Variants in GNG12 observed in about 807,000 individuals in gnomAD.
The protein encoded by GNG12 is G protein subunit gamma 12.
For missense variants in GNG12, 69 were observed against 83.8 expected (o/e 0.82, Z 0.69); for synonymous variants, 28 against 29.7 (o/e 0.94, Z 0.19).
intron 1 of GNG12, among the ~76,000 whole-genome samples, chr1:67,827,516 C>T (rs1249526202): frequency 1.3e-5 from 2 of 151,940 alleles, no homozygotes; most frequent in Admixed American, 1.3e-4. Flanking sequence ...AGCTCTGCCT[C>T]CCAGGTTCAC....
chr1:67,826,771 T>C (rs567180608), intron 1 of GNG12, among the ~76,000 whole-genome samples: 6 of 152,330 alleles, frequency 3.9e-5, no homozygotes, highest in Admixed American at 3.3e-4. Context: ...TAGCTCATGT[T>C]GGGATTTAAT....
intron 2 of GNG12, among the ~76,000 whole-genome samples, chr1:67,748,460 G>T (rs893857136): frequency 2.3e-4 from 35 of 152,098 alleles, no homozygotes; most frequent in African/African-American, 8.5e-4. Flanking sequence ...TGAAACACAG[G>T]GATATGAGTT....
chr1:67,738,418 T>C (rs1313815773), intron 2 of GNG12, among the ~76,000 whole-genome samples: 1 of 152,180 alleles, frequency 6.6e-6, no homozygotes, highest in African/African-American at 2.4e-5. Context: ...GGTGAATAAA[T>C]AGACTCAGTC....
chr1:67,770,138 G>C (rs910694492), intron 2 of GNG12, among the ~76,000 whole-genome samples: 1 of 152,172 alleles, frequency 6.6e-6, no homozygotes, highest in Non-Finnish European at 1.5e-5. Flanking sequence ...CAAGGGATCT[G>C]ATCATTATGC....
chr1:67,800,960 A>G (rs1336446109), intron 1 of GNG12, among the ~76,000 whole-genome samples: 1 of 152,134 alleles, frequency 6.6e-6, no homozygotes, highest in Non-Finnish European at 1.5e-5. Context: ...ACTTCATATT[A>G]TGGAGGGAGG....
chr1:67,718,907 C>A (rs534611135), intron 2 of GNG12, among the ~76,000 whole-genome samples: 1 of 152,316 alleles, frequency 6.6e-6, no homozygotes, highest in African/African-American at 2.4e-5. Flanking sequence ...ACAGAGCTTA[C>A]TATATGCCCA....
At chr1:67,832,969 C>G (rs1037462036) in intron 1 of GNG12, among the ~76,000 whole-genome samples, 32 of 152,184 alleles carry the variant, frequency 2.1e-4, no homozygotes, top group Non-Finnish European at 3.1e-4. Flanking sequence ...GGCGAGGAGG[C>G]AAGCGAGCTC....
rs757607138 is a variant in GNG12 at position 67,705,468 on chromosome 1, T to G, written c.202A>C (p.Thr68Pro). 1 of 1,613,932 alleles carries G rather than the reference T, an allele frequency of 6.2e-7. No individual in the cohort carries two copies. The highest frequency in any genetic ancestry group is 1.7e-5 in the Admixed American group (1 of 59,976). Reference protein sequence around the residue: ...TSENPFKDKKTCIIL With the variant: ...TSENPFKDKKPCIIL ...CTATTCCACTATAAGATGATGCAAG[T>G]TTTTTTATCCTTGAAAGGGTTTTCT... Residue 68 changes from threonine to proline, a missense_variant, in exon 4 of 4, where the codon ACT becomes CCT. Transcript: ENST00000370982.
intron 1 of GNG12, among the ~76,000 whole-genome samples, chr1:67,803,734 G>C (rs1194122784): frequency 1.3e-5 from 2 of 152,206 alleles, no homozygotes; most frequent in East Asian, 3.8e-4. Flanking sequence ...CTAGTCAGTG[G>C]TAAATGATGC....
chr1:67,832,007 G>C (rs1041877709), intron 1 of GNG12, among the ~76,000 whole-genome samples: 1 of 152,172 alleles, frequency 6.6e-6, no homozygotes, highest in African/African-American at 2.4e-5. Flanking sequence ...TTTTAAAATA[G>C]AGAAGGCACA....
rs534512075 is a variant in GNG12, at chr1:67,820,586, C to T, written c.-77+12758G>A. Among the ~76,000 whole-genome samples the T allele has an allele frequency of 5.3e-5, 8 of 152,274 alleles. No individual in the cohort carries two copies. The South Asian group carries it at 1.7e-3, about 32-fold the overall frequency. On this transcript the variant is annotated intron_variant, in intron 1 of 3. Coordinates refer to ENST00000370982, the MANE Select transcript of GNG12 (RefSeq NM_018841.6). The stretch of plus-strand genomic sequence containing the variant: ...CGGATGCCTCACCTGTCACACTTTT[C>T]AATGTGGTATTACCAGAGGCTGTTG...
At chr1:67,798,471 T>C (rs1282966960) in intron 1 of GNG12, among the ~76,000 whole-genome samples, 1 of 152,054 alleles carries the variant, frequency 6.6e-6, no homozygotes, top group East Asian at 1.9e-4. Flanking sequence ...TTTAGAGAAA[T>C]GGAAGAGAAA....
chr1:67,788,026 T>C lies in GNG12; in HGVS notation c.-76-10519A>G, dbSNP rs78420492. On this transcript the variant is annotated intron_variant, in intron 1 of 3. Coordinates refer to ENST00000370982, the MANE Select transcript of GNG12 (RefSeq NM_018841.6). Reference sequence around the variant, plus strand: ...GGGATTTATGACACAGGTTTTTGTATAGGAACTGGTGCAAAGTTACATGTG... The same window carrying C: ...GGGATTTATGACACAGGTTTTTGTACAGGAACTGGTGCAAAGTTACATGTG... 1.5e-3 allele frequency among the ~76,000 whole-genome samples: 233 copies of C among 152,338 alleles called. 1 individual carries two copies. Among genetic ancestry groups the C allele is most frequent in the African/African-American group, 5.2e-3 (216 of 41,584 alleles).
intron 2 of GNG12, among the ~76,000 whole-genome samples, chr1:67,720,259 A>G (rs943682850): frequency 2.6e-5 from 4 of 152,306 alleles, no homozygotes; most frequent in African/African-American, 9.6e-5. Context: ...CTGTGCCCCA[A>G]ATAAGTTTTC....
chr1:67,748,767 G>A (rs1459480111), intron 2 of GNG12, among the ~76,000 whole-genome samples: 2 of 152,208 alleles, frequency 1.3e-5, no homozygotes, highest in Admixed American at 1.3e-4. Context: ...GATCTGAAAA[G>A]TCTGCAGAGT....
At chr1:67,709,825 T>A (rs1294471526) in intron 2 of GNG12, among the ~76,000 whole-genome samples, 20 of 130,910 alleles carry the variant, frequency 1.5e-4, no homozygotes, top group African/African-American at 4.6e-4. Flanking sequence ...TATATATATA[T>A]AAATATATAT....
At chr1:67,784,534 A>AT (rs900789769) in intron 1 of GNG12, among the ~76,000 whole-genome samples, 20 of 152,060 alleles carry the variant, frequency 1.3e-4, no homozygotes, top group Middle Eastern at 3.4e-3. Flanking sequence ...AAAGACTTTT[A>AT]TTTTGTATTT....
chr1:67,745,020 G>A (rs938143576), intron 2 of GNG12, among the ~76,000 whole-genome samples: 6 of 152,186 alleles, frequency 3.9e-5, no homozygotes, highest in Non-Finnish European at 2.9e-5. Context: ...TGTAAGATGC[G>A]AATAATAATT....
rs942107107 is a variant in GNG12 at position 67,749,139 on chromosome 1, G to A, written c.-27+28319C>T. On this transcript the variant is annotated intron_variant, in intron 2 of 3. Transcript: ENST00000370982. ...TCTACAGACATTACTTATAGTAACC[G>A]CAAATAAAAAGGTGTCTAAGAAGAA... is the stretch of plus-strand genomic sequence containing the variant. Among the ~76,000 whole-genome samples the A allele has an allele frequency of 1.2e-4, 18 of 152,122 alleles. 1 individual carries two copies. Among genetic ancestry groups the A allele is most frequent in the Admixed American group, 9.2e-4 (14 of 15,266 alleles).
Sources: allele counts gnomAD v4.1 joint callset (sites outside exome capture counted in the v4.1 genomes callset), GRCh38; gene constraint gnomAD v4.1.1; transcripts MANE v1.5; gene names NCBI Gene and HGNC (gene_info 2026-07-23, HGNC 2026-07-21).